The following INSC variants were observed in gnomAD, a reference collection of about 807,000 sequenced individuals.
INSC encodes the protein protein inscuteable homolog.
In INSC, 67 loss-of-function variants were observed where a neutral mutation model predicts 58.6. That is an observed-to-expected ratio of 1.14 (90% confidence interval 0.94 to 1.40). The LOEUF (loss-of-function observed/expected upper bound fraction) is 1.40. Ranked by LOEUF, INSC falls within the 40% of genes most tolerant of loss-of-function variation. The pLI is 0.00. For missense variants in INSC, 714 were observed against 692.0 expected, an observed-to-expected ratio of 1.03 and a Z score of -0.36; for synonymous variants, 262 against 276.1, an observed-to-expected ratio of 0.95 and a Z score of 0.51.
chr11:15,202,811 A>C (rs1171692643), intron 7 of INSC, among the ~76,000 whole-genome samples: 1 of 152,230 alleles, frequency 6.6e-6, no homozygotes, highest in Non-Finnish European at 1.5e-5. Flanking sequence ...TTTAGAGTTG[A>C]AAACCTGTGC....
chr11:15,206,978 C>G (rs1229938522), intron 7 of INSC, among the ~76,000 whole-genome samples: 1 of 152,118 alleles, frequency 6.6e-6, no homozygotes, highest in Non-Finnish European at 1.5e-5. Flanking sequence ...TTTGCAATGA[C>G]CATGGCAGGG....
At chr11:15,196,512 T>A (rs934063648) in intron 6 of INSC, among the ~76,000 whole-genome samples, 1 of 152,152 alleles carries the variant, frequency 6.6e-6, no homozygotes. Flanking sequence ...TCCTAATCAG[T>A]ATTTCCTCTT....
the INSC span, among the ~76,000 whole-genome samples, chr11:15,263,835 A>C: frequency 6.6e-6 from 1 of 152,256 alleles, no homozygotes; most frequent in South Asian, 2.1e-4. Context: ...GTAAGACTGA[A>C]GTTCCTGTTT....
At chr11:15,151,596 A>C (rs1189990582) in intron 2 of INSC, among the ~76,000 whole-genome samples, 1 of 137,320 alleles carries the variant, frequency 7.3e-6, no homozygotes, top group Admixed American at 7.2e-5. Flanking sequence ...CTATCTTTCC[A>C]TCTGGGATGC....
chr11:15,250,741 A>G (rs771081229), downstream of INSC, among the ~76,000 whole-genome samples: 47 of 152,184 alleles, frequency 3.1e-4, no homozygotes, highest in Non-Finnish European at 5.6e-4. Context: ...AACAACAGCA[A>G]CAACAACAAC....
At chr11:15,145,561 A>G (rs1848471794) in intron 1 of INSC, among the ~76,000 whole-genome samples, 1 of 152,206 alleles carries the variant, frequency 6.6e-6, no homozygotes, top group Admixed American at 6.5e-5. Flanking sequence ...CCCTGAGGAT[A>G]GCATGCTTTA....
rs557143601 is a variant in INSC at position 15,127,075 on chromosome 11, G to A, written c.-46+12072G>A. 1.2e-3 allele frequency among the ~76,000 whole-genome samples: 184 copies of A among 152,274 alleles called. 1 individual carries two copies. The highest frequency in any genetic ancestry group is 4.2e-3 in the African/African-American group (175 of 41,538). On this transcript the variant is annotated intron_variant, in intron 1 of 12. Coordinates refer to ENST00000379556, the MANE Select transcript of INSC (RefSeq NM_001042536.3). ...GAGGGAGGTTTTGGTGTGGCAAGGGGATATCTTGTGCCTGAGGCCACTGCA... is the reference window on the plus strand; with the variant it reads ...GAGGGAGGTTTTGGTGTGGCAAGGGAATATCTTGTGCCTGAGGCCACTGCA...
intron 9 of INSC, among the ~76,000 whole-genome samples, chr11:15,234,902 G>T (rs1246681561): frequency 6.6e-6 from 1 of 152,120 alleles, no homozygotes; most frequent in African/African-American, 2.4e-5. Flanking sequence ...TACCAGGGGA[G>T]GCTGGTTACA....
At chr11:15,229,986 TATA>T (rs1564917376) in intron 9 of INSC, among the ~76,000 whole-genome samples, 22 of 31,640 alleles carry the variant, frequency 7.0e-4, no homozygotes, top group South Asian at 4.2e-3. Context: ...ATATTATATA[TATA>T]TATATATATA....
intron 1 of INSC, among the ~76,000 whole-genome samples, chr11:15,140,866 T>C (rs527783471): frequency 6.6e-6 from 1 of 152,262 alleles, no homozygotes; most frequent in South Asian, 2.1e-4. Context: ...ATTGCAGGTG[T>C]GAGCCACTGC....
intron 7 of INSC, among the ~76,000 whole-genome samples, chr11:15,218,680 G>A (rs1851319505): frequency 6.6e-6 from 1 of 152,110 alleles, no homozygotes. Context: ...TGGGCAATTG[G>A]CAATTGTATA....
intron 1 of INSC, among the ~76,000 whole-genome samples, chr11:15,119,489 G>A (rs534434840): frequency 3.9e-5 from 6 of 152,296 alleles, no homozygotes; most frequent in African/African-American, 1.2e-4. Flanking sequence ...GGATGTCTTG[G>A]GGCAGATCAG....
chr11:15,257,800 G>A, the INSC span, among the ~76,000 whole-genome samples: 1 of 152,126 alleles, frequency 6.6e-6, no homozygotes, highest in African/African-American at 2.4e-5. Context: ...GAGCCCATCC[G>A]TCTCTAGTGC....
intron 11 of INSC, among the ~76,000 whole-genome samples, chr11:15,239,631 C>T (rs1040503177): frequency 1.3e-5 from 2 of 152,136 alleles, no homozygotes; most frequent in African/African-American, 4.8e-5. Flanking sequence ...TGTCCTGACC[C>T]CAGGGGCTCA....
chr11:15,191,455 G>A (rs1850174143), intron 6 of INSC, among the ~76,000 whole-genome samples: 1 of 152,132 alleles, frequency 6.6e-6, no homozygotes, highest in Non-Finnish European at 1.5e-5. Context: ...GTGTCCCTGA[G>A]GTCCATGGGA....
Position 15,247,121 on chromosome 11 carries a change from A to G in INSC, c.*1081A>G, listed in dbSNP as rs1852592517. ...TCCTTTTGAAAATATAAATGCCATCATATTGTGATATAATTTATACAATAT... is the reference window on the plus strand; with the variant it reads ...TCCTTTTGAAAATATAAATGCCATCGTATTGTGATATAATTTATACAATAT... On this transcript the variant is annotated 3_prime_UTR_variant, in exon 13 of 13. Coordinates refer to ENST00000379556, the MANE Select transcript of INSC (RefSeq NM_001042536.3). 1 of 152,098 alleles carries G rather than the reference A, an allele frequency of 6.6e-6. No individual in the cohort carries two copies. Among genetic ancestry groups the G allele is most frequent in the Non-Finnish European group, 1.5e-5 (1 of 68,028 alleles). 9.4% of individuals were successfully genotyped at this position (152,098 alleles called of 1,614,324 possible). A position where few individuals can be genotyped will look rare whatever the true frequency, so the allele number is the denominator to read the frequency against.
At chr11:15,254,921 C>T in the INSC span, among the ~76,000 whole-genome samples, 15 of 152,210 alleles carry the variant, frequency 9.9e-5, no homozygotes, top group Non-Finnish European at 1.3e-4. Context: ...AGAAATAACA[C>T]GTACTATTAC....
At chr11:15,221,417 T>G in intron 7 of INSC, 60 bp from the exon 8 acceptor site, 3 of 1,531,828 alleles carry the variant, frequency 2.0e-6, no homozygotes, top group Middle Eastern at 1.8e-4. Flanking sequence ...GTCTCATTAA[T>G]GTCATGGGCA....
chr11:15,220,404 A>C (rs1043821682), intron 7 of INSC, among the ~76,000 whole-genome samples: 17 of 152,140 alleles, frequency 1.1e-4, no homozygotes, highest in Admixed American at 9.8e-4. Context: ...TGCAGAGCTA[A>C]CCTTGACAAG....
Sources: gnomAD v4.1 joint callset for allele counts (sites outside exome capture counted in the v4.1 genomes callset) on GRCh38, gnomAD v4.1.1 for gene constraint, MANE v1.5 for transcripts, NCBI Gene and HGNC (gene_info 2026-07-23, HGNC 2026-07-21) for gene names.